The following RFWD3 variants were observed in gnomAD, a reference collection of about 807,000 sequenced individuals.
The protein encoded by RFWD3 is ring finger and WD repeat domain 3.
A neutral mutation model predicts 87.7 loss-of-function variants in RFWD3; 65 were observed. That is an observed-to-expected ratio of 0.74 (90% confidence interval 0.61 to 0.91). The LOEUF is 0.91. RFWD3 is among the 40% of genes least tolerant of loss of function. The probability of loss-of-function intolerance (pLI) is 0.00; values close to 1 mark genes in which losing one functional copy is unlikely to be tolerated. For missense variants in RFWD3, 1,078 were observed against 938.5 expected (o/e 1.15, Z -1.94); for synonymous variants, 433 against 352.8 (o/e 1.23, Z -2.55).
At chr16:74,630,689 T>C in intron 10 of RFWD3, 92 bp downstream of exon 10, 1 of 1,121,506 alleles carries the variant, frequency 8.9e-7, no homozygotes, top group South Asian at 2.0e-5. Context: ...GATTTCTGAC[T>C]AACTGTGGAA....
chr16:74,653,156 T>C (rs749412303), intron 2 of RFWD3, among the ~76,000 whole-genome samples: 1 of 151,942 alleles, frequency 6.6e-6, no homozygotes, highest in East Asian at 1.9e-4. Flanking sequence ...CTGATTAACA[T>C]GGTGAAACCC....
intron 4 of RFWD3, among the ~76,000 whole-genome samples, chr16:74,646,030 G>A (rs2144215723): frequency 6.6e-6 from 1 of 152,136 alleles, no homozygotes; most frequent in African/African-American, 2.4e-5. Flanking sequence ...TTACAGACGT[G>A]AGCCACCATG....
chr16:74,665,752 C>CTTT (rs141723558), intron 1 of RFWD3, among the ~76,000 whole-genome samples: 1 of 138,916 alleles, frequency 7.2e-6, no homozygotes, highest in African/African-American at 3.2e-5. Context: ...TTCTTTCTTT[C>CTTT]TTTCTTTTTT....
rs1960377034 is a variant in RFWD3, at chr16:74,648,997, CTT to C, written c.792+133_792+134del. The C allele has an allele frequency of 1.5e-5, 7 of 461,498 alleles. No individual in the cohort carries two copies. The South Asian group carries it at 2.0e-4, about 13-fold the overall frequency. 28.6% of individuals were successfully genotyped at this position (461,498 alleles called of 1,614,324 possible). ...TTCAGGAGGCTGAAGTGGGAGGATC[CTT>C]TGAGCCCAGGAGTTTGAAACTGCAG... On this transcript the variant is annotated intron_variant, in intron 4 of 12. Transcript: ENST00000361070.
In RFWD3 at chr16:74,653,591, T is replaced by C. The variant is rs982996077; in HGVS notation, c.519-1469A>G. Among the ~76,000 whole-genome samples the C allele has an allele frequency of 1.4e-4, 22 of 152,264 alleles. 2 individuals carry two copies. Among genetic ancestry groups the C allele is most frequent in the South Asian group, 8.3e-4 (4 of 4,822 alleles). On this transcript the variant is annotated intron_variant, in intron 2 of 12. Transcript: ENST00000361070. ...ACTCTGGAAAGCCAAGGCAGGAGGA[T>C]TGCTTGAGGCCAGAAGTTTGAGACC...
At chr16:74,632,788 A>C in intron 8 of RFWD3, 115 bp from the exon 9 acceptor site, 1 of 920,942 alleles carries the variant, frequency 1.1e-6, no homozygotes, top group Non-Finnish European at 1.6e-6. Flanking sequence ...GTCCTTGGGA[A>C]CCAGCTGGTC....
At chr16:74,629,592 AC>A (rs1254867234) in intron 10 of RFWD3, among the ~76,000 whole-genome samples, 2 of 151,754 alleles carry the variant, frequency 1.3e-5, no homozygotes, top group East Asian at 3.9e-4. Flanking sequence ...GTGCCACTGC[AC>A]TCCAGCCTGG....
In RFWD3 at chr16:74,637,891, T is replaced by C; in HGVS notation, c.1159A>G (p.Thr387Ala). The C allele has an allele frequency of 1.2e-6, 2 of 1,612,848 alleles. No homozygotes were observed. The highest frequency in any genetic ancestry group is 1.7e-6 in the Non-Finnish European group (2 of 1,179,742). The change falls in exon 7 of 13, where the codon ACT becomes GCT. Residue 387 changes from threonine (T) to alanine (A), a missense_variant. Coordinates refer to ENST00000361070, the MANE Select transcript of RFWD3 (RefSeq NM_018124.4). Reference protein sequence around the residue: ...AQCRLQLQVLTDKCTRLQRRV... With the variant: ...AQCRLQLQVLADKCTRLQRRV... ...CTTTGAAGCCTAGTGCACTTATCAG[T>C]GAGGACCTGCAGTTGGAGTCGGCAC... is the stretch of plus-strand genomic sequence containing the variant.
chr16:74,648,909 ACT>A (rs955901126), intron 4 of RFWD3, among the ~76,000 whole-genome samples: 24 of 151,850 alleles, frequency 1.6e-4, no homozygotes, highest in African/African-American at 5.1e-4. Context: ...ATATAGTGAG[ACT>A]CTGTCTACAA....
chr16:74,662,824 G>A (rs1230283202), intron 1 of RFWD3, among the ~76,000 whole-genome samples: 1 of 152,140 alleles, frequency 6.6e-6, no homozygotes, highest in African/African-American at 2.4e-5. Context: ...CAGACCAGAG[G>A]TCAGAGAGAC....
chr16:74,626,435 T>G lies in RFWD3; in HGVS notation c.2089A>C (p.Lys697Gln). ...AAAATGGCATTTTTGGTCAATAGTT[T>G]GCAAGTAGGTCCTCCAAAAAATGTA... ...VHTFFGGPTC[K>Q]LLTKNAIFQS... The change falls in exon 12 of 13, where the codon AAA (lysine) becomes CAA (glutamine). Residue 697 changes from lysine to glutamine, a missense_variant. Transcript: ENST00000361070. 2.5e-6 allele frequency: 4 copies of G among 1,614,214 alleles called. No individual in the cohort carries two copies. The highest frequency in any genetic ancestry group is 3.4e-6 in the Non-Finnish European group (4 of 1,180,034).
intron 3 of RFWD3, among the ~76,000 whole-genome samples, chr16:74,650,833 T>C (rs1960506769): frequency 6.6e-6 from 1 of 151,552 alleles, no homozygotes; most frequent in African/African-American, 2.4e-5. Context: ...GCTGTGATCG[T>C]GCCACTGCAC....
Position 74,630,845 on chromosome 16 carries a change from T to C in RFWD3, c.1690A>G (p.Ile564Val), listed in dbSNP as rs7193541. Reference sequence around the variant, plus strand: ...GTGTTTCGCACGTCATATACCAGAATTGAACCATTGGCCAGTCCAGCATAG... The same window carrying C: ...GTGTTTCGCACGTCATATACCAGAACTGAACCATTGGCCAGTCCAGCATAG... ...YIYAGLANGS[I>V]LVYDVRNTSS... is the part of the protein sequence containing the mutation. Residue 564 changes from isoleucine to valine, a missense_variant, in exon 10 of 13, where the codon ATT becomes GTT. Physicochemically the swap from Ile to Val is conservative, Grantham distance 29. Coordinates refer to ENST00000361070, the MANE Select transcript of RFWD3 (RefSeq NM_018124.4). 0.4 allele frequency: 647,383 copies of C among 1,613,106 alleles called. 133,593 individuals carry two copies. Among genetic ancestry groups the C allele is most frequent in the African/African-American group, 0.51 (38,115 of 74,864 alleles).
rs138316003 is a variant in RFWD3, at chr16:74,629,478, G to T, written c.1755-812C>A. On this transcript the variant is annotated intron_variant, in intron 10 of 12. Transcript: ENST00000361070. The stretch of plus-strand genomic sequence containing the variant: ...GTTTGAGACCAGCCTGGCCAATATG[G>T]TGAAACCCCATCTCTACTAAAAATA... Among the ~76,000 whole-genome samples the T allele has an allele frequency of 3.9e-4, 60 of 152,240 alleles. No individual in the cohort carries two copies. The East Asian group carries it at 0.011, about 28-fold the overall frequency.
intron 3 of RFWD3, among the ~76,000 whole-genome samples, chr16:74,650,553 C>T (rs1960482352): frequency 6.6e-6 from 1 of 152,084 alleles, no homozygotes; most frequent in South Asian, 2.1e-4. Context: ...ATCCCATCAA[C>T]CCTGCAACCT....
At chr16:74,639,372 C>T (rs149050123) in intron 6 of RFWD3, among the ~76,000 whole-genome samples, 5 of 152,304 alleles carry the variant, frequency 3.3e-5, no homozygotes, top group Middle Eastern at 3.4e-3. Flanking sequence ...ACATCACTTA[C>T]GCAACAGAAT....
intron 6 of RFWD3, 64 bp downstream of exon 6, chr16:74,644,298 T>C: frequency 6.6e-7 from 1 of 1,522,566 alleles, no homozygotes; most frequent in Non-Finnish European, 9.1e-7. Flanking sequence ...ATAACTTCTT[T>C]TTCAGATGTG....
At chr16:74,636,646 G>T (rs1473640861) in intron 7 of RFWD3, 69 bp from the exon 8 acceptor site, 20 of 1,146,924 alleles carry the variant, frequency 1.7e-5, no homozygotes, top group Non-Finnish European at 2.0e-5. Context: ...ACAATTCCTT[G>T]ATCTTTTACA....
chr16:74,648,452 G>A (rs917525279), intron 4 of RFWD3, among the ~76,000 whole-genome samples: 54 of 149,512 alleles, frequency 3.6e-4, no homozygotes, highest in African/African-American at 1.3e-3. Context: ...ACCGTGCCCA[G>A]CCAAAAACCC....
Sources: gnomAD v4.1 joint callset for allele counts (sites outside exome capture counted in the v4.1 genomes callset) on GRCh38, gnomAD v4.1.1 for gene constraint, MANE v1.5 for transcripts, NCBI Gene and HGNC (gene_info 2026-07-23, HGNC 2026-07-21) for gene names.